Variants in CRACD observed in about 807,000 individuals in gnomAD.
CRACD encodes the protein capping protein inhibiting regulator of actin dynamics.
Under a neutral mutation model 106.8 loss-of-function variants are expected in CRACD, and 56 were observed. That is an observed-to-expected ratio of 0.52 (90% CI 0.42 to 0.66). The LOEUF is 0.66. Ranked by LOEUF, CRACD falls within the 30% of genes least tolerant of loss-of-function variation. The pLI, the probability that CRACD is intolerant of heterozygous loss-of-function variation, is 0.00. For missense variants in CRACD, 1,730 were observed against 1,623.2 expected (o/e 1.07, Z -1.13); for synonymous variants, 754 against 670.8 (o/e 1.12, Z -1.92).
chr4:56,327,984 A>T lies in CRACD; in HGVS notation c.*180A>T. ...TTCATTGTAAAGAGTGGATTTGCAC[A>T]ACCCTAGGTCCTGGTGCCTCGAGCT... On this transcript the variant is annotated 3_prime_UTR_variant, in exon 11 of 11. Coordinates refer to ENST00000682029, the MANE Select transcript of CRACD (RefSeq NM_001393381.1). 1 of 568,192 alleles carries T rather than the reference A, an allele frequency of 1.8e-6. No homozygotes were observed. Among genetic ancestry groups the T allele is most frequent in the South Asian group, 2.6e-5 (1 of 38,064 alleles). The allele number at this position is 568,192 out of a possible 1,614,324, so 35.2% of individuals were successfully genotyped here.
At chr4:56,054,163 T>C (rs149053750) in intron 1 of CRACD, among the ~76,000 whole-genome samples, 2 of 152,212 alleles carry the variant, frequency 1.3e-5, no homozygotes, top group Admixed American at 6.5e-5. Flanking sequence ...TTGTGTCCTG[T>C]TTATTCTTTT....
intron 1 of CRACD, among the ~76,000 whole-genome samples, chr4:56,086,652 C>T (rs894814399): frequency 6.6e-6 from 1 of 152,162 alleles, no homozygotes; most frequent in Non-Finnish European, 1.5e-5. Flanking sequence ...TTCCCTACCC[C>T]TCCTATCTGA....
At chr4:56,287,469 G>A (rs983278203) in intron 3 of CRACD, among the ~76,000 whole-genome samples, 1 of 151,906 alleles carries the variant, frequency 6.6e-6, no homozygotes, top group Admixed American at 6.6e-5. Context: ...TTTTAGTAGA[G>A]GGGGTTTCAC....
chr4:56,310,791 C>CA (rs1745103807), intron 6 of CRACD, 57 bp downstream of exon 6: 2 of 923,242 alleles, frequency 2.2e-6, no homozygotes. Context: ...TTTCATCTTC[C>CA]CCCCCCCTTT....
chr4:56,156,800 A>G (rs1735775805), intron 1 of CRACD, among the ~76,000 whole-genome samples: 1 of 152,228 alleles, frequency 6.6e-6, no homozygotes, highest in Non-Finnish European at 1.5e-5. Context: ...GATCTGTAAA[A>G]TCGAAACAGT....
chr4:56,319,363 G>A (rs972928985), intron 8 of CRACD, among the ~76,000 whole-genome samples: 1 of 152,104 alleles, frequency 6.6e-6, no homozygotes, highest in Non-Finnish European at 1.5e-5. Context: ...CCAGCACTTT[G>A]GGAGGCTGAG....
At chr4:56,179,540 A>G (rs1736722743) in intron 2 of CRACD, 110 bp downstream of exon 2, 1 of 152,174 alleles carries the variant, frequency 6.6e-6, no homozygotes, top group Non-Finnish European at 1.5e-5. Context: ...ATTTCACTGA[A>G]TATCAGGACA....
chr4:56,129,852 A>G (rs374949881), intron 1 of CRACD, among the ~76,000 whole-genome samples: 1 of 152,218 alleles, frequency 6.6e-6, no homozygotes, highest in African/African-American at 2.4e-5. Context: ...TGTGTCCTGA[A>G]GGGAACTTCT....
chr4:56,089,563 G>T (rs1263590772), intron 1 of CRACD, among the ~76,000 whole-genome samples: 1 of 150,222 alleles, frequency 6.7e-6, no homozygotes, highest in African/African-American at 2.5e-5. Flanking sequence ...GCCCAGGCTG[G>T]AGTGCAATGG....
intron 2 of CRACD, among the ~76,000 whole-genome samples, chr4:56,227,733 A>C (rs1739380813): frequency 6.6e-6 from 1 of 152,184 alleles, no homozygotes; most frequent in Non-Finnish European, 1.5e-5. Context: ...TATGGGCCAC[A>C]CTTTGATTTA....
intron 1 of CRACD, among the ~76,000 whole-genome samples, chr4:56,149,306 T>G (rs1358399242): frequency 1.3e-5 from 2 of 152,130 alleles, no homozygotes; most frequent in Non-Finnish European, 2.9e-5. Context: ...TAAAACTGAT[T>G]AGAGTTAAAT....
rs1735210635 is a variant in CRACD at position 56,141,789 on chromosome 4, GC to G, written c.-335-37494del. Among the ~76,000 whole-genome samples, 3 of 144,918 alleles carry G rather than the reference GC, an allele frequency of 2.1e-5. No individual in the cohort carries two copies. The South Asian group carries it at 6.7e-4, about 32-fold the overall frequency. ...GCTCACTGCAGCCTTGACCTCCTGG[GC>G]TCAAGTGATCCTCCCTCCTTAGCCT... On this transcript the variant is annotated intron_variant, in intron 1 of 10. Coordinates refer to ENST00000682029, the MANE Select transcript of CRACD (RefSeq NM_001393381.1).
intron 1 of CRACD, among the ~76,000 whole-genome samples, chr4:56,084,049 A>G (rs1417732623): frequency 6.6e-6 from 1 of 152,218 alleles, no homozygotes; most frequent in Non-Finnish European, 1.5e-5. Context: ...GTGAGGTATG[A>G]GGAGCAAGGT....
At chr4:56,118,061 T>G (rs1020969694) in intron 1 of CRACD, among the ~76,000 whole-genome samples, 1 of 152,212 alleles carries the variant, frequency 6.6e-6, no homozygotes, top group Non-Finnish European at 1.5e-5. Context: ...GCCCGGCTGC[T>G]TTATGAATAT....
intron 2 of CRACD, among the ~76,000 whole-genome samples, chr4:56,256,481 C>A (rs1247001000): frequency 6.6e-6 from 1 of 152,172 alleles, no homozygotes; most frequent in African/African-American, 2.4e-5. Context: ...TTTTAAGAAA[C>A]AACTTTGGCC....
chr4:56,119,124 C>A (rs1045589021), intron 1 of CRACD, among the ~76,000 whole-genome samples: 1 of 152,158 alleles, frequency 6.6e-6, no homozygotes, highest in African/African-American at 2.4e-5. Context: ...TTGTACTAAG[C>A]ATTTTATATG....
intron 1 of CRACD, among the ~76,000 whole-genome samples, chr4:56,172,095 G>T (rs901454929): frequency 2.1e-5 from 3 of 140,288 alleles, no homozygotes; most frequent in Admixed American, 8.2e-5. Context: ...CTGTCCCAAA[G>T]TTCAGATCAT....
In CRACD at chr4:56,328,436, G is replaced by T. The variant is rs1746610510; in HGVS notation, c.*632G>T. The T allele has an allele frequency of 1.9e-6, 1 of 517,628 alleles. No individual in the cohort carries two copies. Among genetic ancestry groups the T allele is most frequent in the African/African-American group, 1.9e-5 (1 of 52,034 alleles). The allele number at this position is 517,628 out of a possible 1,614,324, so 32.1% of individuals were successfully genotyped here. A position where few individuals can be genotyped will look rare whatever the true frequency, so the allele number is the denominator to read the frequency against. ...CCATTCACATTTTTACCGCACTGTG[G>T]ATTCATAGTGTGGGGCCCTGTTATT... On this transcript the variant is annotated 3_prime_UTR_variant, in exon 11 of 11. Coordinates refer to ENST00000682029, the MANE Select transcript of CRACD (RefSeq NM_001393381.1).
intron 3 of CRACD, among the ~76,000 whole-genome samples, chr4:56,285,081 A>G (rs1336844668): frequency 6.6e-6 from 1 of 152,204 alleles, no homozygotes; most frequent in Non-Finnish European, 1.5e-5. Context: ...GGTGAAAGGG[A>G]AGCAAGCATG....
Sources: allele counts gnomAD v4.1 joint callset (sites outside exome capture counted in the v4.1 genomes callset), GRCh38; gene constraint gnomAD v4.1.1; transcripts MANE v1.5; gene names NCBI Gene and HGNC (gene_info 2026-07-23, HGNC 2026-07-21).